Variants in KIAA1549L observed in about 807,000 individuals in gnomAD.
KIAA1549L encodes KIAA1549 like, also known as UPF0606 protein KIAA1549L.
A neutral mutation model predicts 160.7 loss-of-function variants in KIAA1549L; 88 were observed. The observed-to-expected ratio is 0.55, with a 90% CI of 0.46 to 0.65. The LOEUF is 0.65. KIAA1549L is among the 30% of genes least tolerant of loss of function. The probability of loss-of-function intolerance (pLI) is 0.00; values close to 1 mark genes in which losing one functional copy is unlikely to be tolerated. For synonymous variants in KIAA1549L, 950 were observed against 976.7 expected (o/e 0.97, Z 0.51); for missense variants, 2,258 against 2,437.5 (o/e 0.93, Z 1.55).
At chr11:33,584,007 C>A (rs1326585953) in intron 11 of KIAA1549L, among the ~76,000 whole-genome samples, 1 of 152,078 alleles carries the variant, frequency 6.6e-6, no homozygotes, top group African/African-American at 2.4e-5. Context: ...GAGATAGGGC[C>A]TTTGGGAGGA....
chr11:33,461,974 T>C (rs1282241656), intron 1 of KIAA1549L, among the ~76,000 whole-genome samples: 2 of 152,188 alleles, frequency 1.3e-5, no homozygotes, highest in Non-Finnish European at 2.9e-5. Context: ...GCCTCTCCCA[T>C]GCTGTAGTCA....
At chr11:33,389,828 T>C (rs1850240092) in intron 1 of KIAA1549L, among the ~76,000 whole-genome samples, 1 of 152,214 alleles carries the variant, frequency 6.6e-6, no homozygotes, top group African/African-American at 2.4e-5. Flanking sequence ...AAGAGAGGGT[T>C]GAGAAAGTGA....
chr11:33,598,031 T>C (rs985579208), intron 12 of KIAA1549L, among the ~76,000 whole-genome samples: 2 of 151,978 alleles, frequency 1.3e-5, no homozygotes, highest in African/African-American at 4.8e-5. Context: ...GGTGGGGAGC[T>C]CTTGGGGGGC....
At chr11:33,434,489 G>T (rs140854720) in intron 1 of KIAA1549L, among the ~76,000 whole-genome samples, 1 of 152,140 alleles carries the variant, frequency 6.6e-6, no homozygotes, top group African/African-American at 2.4e-5. Flanking sequence ...CCAGGAGTGG[G>T]GTTCTAAACC....
At chr11:33,408,485 A>ATG (rs1554974404) in intron 1 of KIAA1549L, among the ~76,000 whole-genome samples, 3,029 of 142,742 alleles carry the variant, frequency 0.021, 38 homozygotes, top group East Asian at 0.035. Context: ...TACTCTGTAT[A>ATG]TGTGTATATA....
At chr11:33,514,815 C>T (rs1026263349) in intron 1 of KIAA1549L, among the ~76,000 whole-genome samples, 2 of 152,186 alleles carry the variant, frequency 1.3e-5, no homozygotes. Context: ...GGTTGTTGTA[C>T]ATGAAATGCA....
At chr11:33,628,979 TG>T (rs1191515431) in intron 16 of KIAA1549L, among the ~76,000 whole-genome samples, 1 of 151,590 alleles carries the variant, frequency 6.6e-6, no homozygotes, top group East Asian at 1.9e-4. Flanking sequence ...AGGGCAGGCC[TG>T]GTGGTGACAA....
intron 1 of KIAA1549L, among the ~76,000 whole-genome samples, chr11:33,486,530 G>A (rs1262989021): frequency 2.0e-5 from 3 of 152,148 alleles, no homozygotes; most frequent in Non-Finnish European, 2.9e-5. Context: ...TATACTTTAT[G>A]TGTGAAATGA....
chr11:33,600,584 A>G (rs544300623), intron 13 of KIAA1549L, among the ~76,000 whole-genome samples: 2 of 125,774 alleles, frequency 1.6e-5, no homozygotes, highest in South Asian at 2.4e-4. Flanking sequence ...CTTCCTTTAT[A>G]TACTTCCTGG....
Position 33,485,447 on chromosome 11 carries a change from C to G in KIAA1549L, c.239-56355C>G, listed in dbSNP as rs190138429. On this transcript the variant is annotated intron_variant, in intron 1 of 20. Transcript: ENST00000658780. ...CCTTATTTAAAGAATAAGTGATTTTCATGACAAAAGTATCTATTTGTTTTT... is the reference window on the plus strand; with the variant it reads ...CCTTATTTAAAGAATAAGTGATTTTGATGACAAAAGTATCTATTTGTTTTT... Among the ~76,000 whole-genome samples the G allele has an allele frequency of 7.6e-4, 116 of 152,196 alleles. 1 individual carries two copies. Among genetic ancestry groups the G allele is most frequent in the Non-Finnish European group, 1.5e-3 (102 of 67,986 alleles).
At chr11:33,651,381 G>T (rs527671584) in intron 17 of KIAA1549L, among the ~76,000 whole-genome samples, 1 of 151,170 alleles carries the variant, frequency 6.6e-6, no homozygotes, top group Non-Finnish European at 1.5e-5. Flanking sequence ...AGGTTGCAGT[G>T]AGCCGAGATC....
At chr11:33,430,860 C>T (rs1465220724) in intron 1 of KIAA1549L, among the ~76,000 whole-genome samples, 1 of 152,214 alleles carries the variant, frequency 6.6e-6, no homozygotes, top group Non-Finnish European at 1.5e-5. Context: ...TTTGTTGAAT[C>T]AACTTTTGAA....
intron 1 of KIAA1549L, among the ~76,000 whole-genome samples, chr11:33,504,478 CT>C (rs373556476): frequency 6.6e-6 from 1 of 151,252 alleles, no homozygotes; most frequent in African/African-American, 2.4e-5. Flanking sequence ...TTTCTCTTTC[CT>C]TTTTTTGAGA....
At chr11:33,642,599 G>C (rs529732503) in intron 16 of KIAA1549L, among the ~76,000 whole-genome samples, 7 of 151,624 alleles carry the variant, frequency 4.6e-5, no homozygotes, top group Admixed American at 1.3e-4. Flanking sequence ...AGTGGTTTGG[G>C]GGGGTGGAAA....
intron 1 of KIAA1549L, among the ~76,000 whole-genome samples, chr11:33,517,778 G>A (rs1190486891): frequency 1.3e-5 from 2 of 152,116 alleles, no homozygotes; most frequent in South Asian, 4.1e-4. Context: ...AACTCTGCAG[G>A]TAAAAGGGCT....
At chr11:33,435,782 A>ATGTGTGTG (rs1161737454) in intron 1 of KIAA1549L, among the ~76,000 whole-genome samples, 2 of 21,398 alleles carry the variant, frequency 9.3e-5, no homozygotes, top group African/African-American at 4.6e-4. Context: ...ATATATATAT[A>ATGTGTGTG]TATATATATA....
At chr11:33,518,664 T>G (rs772982548) in intron 1 of KIAA1549L, among the ~76,000 whole-genome samples, 17 of 152,236 alleles carry the variant, frequency 1.1e-4, no homozygotes, top group Non-Finnish European at 2.2e-4. Context: ...CTACTTGCTA[T>G]GATATTATAA....
At chr11:33,640,498 G>A (rs1056044445) in intron 16 of KIAA1549L, among the ~76,000 whole-genome samples, 4 of 152,188 alleles carry the variant, frequency 2.6e-5, no homozygotes, top group South Asian at 2.1e-4. Context: ...GTGGCAAAGC[G>A]TGGGCTCTCC....
chr11:33,509,858 G>A (rs1174882861), intron 1 of KIAA1549L, among the ~76,000 whole-genome samples: 2 of 152,024 alleles, frequency 1.3e-5, no homozygotes, highest in Non-Finnish European at 2.9e-5. Context: ...CTGAAGGCGA[G>A]TTGAAATGAC....
Sources: gnomAD v4.1 joint callset for allele counts (sites outside exome capture counted in the v4.1 genomes callset) on GRCh38, gnomAD v4.1.1 for gene constraint, MANE v1.5 for transcripts, NCBI Gene and HGNC (gene_info 2026-07-23, HGNC 2026-07-21) for gene names.